The following CSMD1 variants were observed in gnomAD, a reference collection of about 807,000 sequenced individuals.
CSMD1 encodes CUB and Sushi multiple domains 1, also known as CUB and sushi domain-containing protein 1.
A neutral mutation model predicts 417.5 loss-of-function variants in CSMD1; 213 were observed. The ratio of observed to expected loss-of-function variants is 0.51; its 90% CI spans 0.46 to 0.57. CSMD1 has a LOEUF of 0.57. Ranked by LOEUF, CSMD1 falls within the 20% of genes least tolerant of loss-of-function variation. The pLI, the probability that CSMD1 is intolerant of heterozygous loss-of-function variation, is 0.00. For synonymous variants in CSMD1, 2,862 were observed against 1,736.8 expected, an observed-to-expected ratio of 1.65 and a Z score of -16.11; for missense variants, 6,923 against 4,529.7, an observed-to-expected ratio of 1.53 and a Z score of -15.17.
At chr8:4,149,770 T>A (rs894891977) in intron 3 of CSMD1, among the ~76,000 whole-genome samples, 1 of 152,192 alleles carries the variant, frequency 6.6e-6, no homozygotes, top group East Asian at 1.9e-4. Flanking sequence ...TTGCTGGATG[T>A]GTCGTAGTTG....
At chr8:4,891,948 A>G (rs191562535) in intron 1 of CSMD1, among the ~76,000 whole-genome samples, 57 of 152,250 alleles carry the variant, frequency 3.7e-4, no homozygotes, top group Admixed American at 9.1e-4. Flanking sequence ...AAAAAAGAAG[A>G]TGGCCTTTAC....
intron 5 of CSMD1, among the ~76,000 whole-genome samples, chr8:3,812,751 G>A (rs1372628352): frequency 6.6e-6 from 1 of 152,116 alleles, no homozygotes; most frequent in African/African-American, 2.4e-5. Context: ...CCCAAGTCTT[G>A]CCTATTTTAA....
At chr8:4,496,412 C>T (rs771977300) in intron 2 of CSMD1, among the ~76,000 whole-genome samples, 3 of 152,080 alleles carry the variant, frequency 2.0e-5, no homozygotes, top group Admixed American at 6.6e-5. Context: ...GATTCATGTG[C>T]CATCTCAGAA....
chr8:4,738,253 C>G (rs969651908), intron 1 of CSMD1, among the ~76,000 whole-genome samples: 6 of 152,170 alleles, frequency 3.9e-5, no homozygotes, highest in Non-Finnish European at 7.3e-5. Context: ...TGTATTAGTT[C>G]ATTTTCACGC....
intron 12 of CSMD1, among the ~76,000 whole-genome samples, chr8:3,461,343 G>C (rs956908504): frequency 6.6e-6 from 1 of 152,224 alleles, no homozygotes. Context: ...AGCCAGCTTG[G>C]AGAGTATGCT....
At chr8:4,286,248 G>T (rs537149769) in intron 3 of CSMD1, among the ~76,000 whole-genome samples, 1 of 151,976 alleles carries the variant, frequency 6.6e-6, no homozygotes, top group Admixed American at 6.6e-5. Context: ...GCGTCTCTCC[G>T]CCATGCTCTC....
At chr8:4,042,695 A>C (rs748709837) in intron 3 of CSMD1, among the ~76,000 whole-genome samples, 2 of 151,788 alleles carry the variant, frequency 1.3e-5, no homozygotes, top group African/African-American at 4.8e-5. Flanking sequence ...TATATATTTT[A>C]GGTTTCTAAC....
chr8:4,327,534 C>G (rs983388274), intron 3 of CSMD1, among the ~76,000 whole-genome samples: 6 of 152,084 alleles, frequency 3.9e-5, no homozygotes, highest in South Asian at 4.1e-4. Flanking sequence ...TCAGGCTGTT[C>G]CAGCTCCAAT....
At chr8:3,083,202 G>T (rs2129004033) in intron 49 of CSMD1, among the ~76,000 whole-genome samples, 1 of 151,978 alleles carries the variant, frequency 6.6e-6, no homozygotes, top group South Asian at 2.1e-4. Flanking sequence ...AAAAATGCTA[G>T]TTTTTTTAAA....
intron 23 of CSMD1, among the ~76,000 whole-genome samples, chr8:3,310,634 G>A (rs61305119): frequency 0.019 from 2,862 of 152,290 alleles, 93 homozygotes; most frequent in African/African-American, 0.065. Flanking sequence ...TTTGAGTTCA[G>A]CATCTATCCC....
intron 10 of CSMD1, among the ~76,000 whole-genome samples, chr8:3,510,708 G>C (rs536702426): frequency 2.8e-4 from 43 of 151,600 alleles, no homozygotes; most frequent in Admixed American, 5.9e-4. Context: ...ATTCTAACTG[G>C]TGTGAGATGG....
chr8:4,820,829 T>C (rs1391953928), intron 1 of CSMD1, among the ~76,000 whole-genome samples: 1 of 152,216 alleles, frequency 6.6e-6, no homozygotes, highest in Non-Finnish European at 1.5e-5. Flanking sequence ...TAATACTTGT[T>C]GCAAGCTAAA....
intron 6 of CSMD1, among the ~76,000 whole-genome samples, chr8:3,714,882 T>G (rs1401303593): frequency 6.6e-6 from 1 of 152,220 alleles, no homozygotes; most frequent in Admixed American, 6.5e-5. Context: ...GTGAAACATG[T>G]TTTGAACACA....
intron 1 of CSMD1, among the ~76,000 whole-genome samples, chr8:4,846,585 C>T (rs1028402269): frequency 1.3e-5 from 2 of 152,148 alleles, no homozygotes. Flanking sequence ...TTTCTACCCC[C>T]TGTAGGAGGC....
intron 3 of CSMD1, among the ~76,000 whole-genome samples, chr8:4,038,398 C>G (rs766828545): frequency 6.6e-6 from 1 of 152,076 alleles, no homozygotes; most frequent in Admixed American, 6.5e-5. Context: ...GGAATTGTTG[C>G]TAGGTCTATG....
Position 3,621,351 on chromosome 8 carries a change from G to A in CSMD1, c.1010-4554C>T, listed in dbSNP as rs956189497. ...TGCCCACAAGAGACTCACTTTAGGC[G>A]TAAGGACACAAAGAGGTTAAAAACG... On this transcript the variant is annotated intron_variant, in intron 7 of 69. Coordinates refer to ENST00000635120, the MANE Select transcript of CSMD1 (RefSeq NM_033225.6). Among the ~76,000 whole-genome samples the A allele has an allele frequency of 5.9e-5, 9 of 152,142 alleles. No individual in the cohort carries two copies. The South Asian group carries it at 6.2e-4, about 10-fold the overall frequency.
intron 26 of CSMD1, among the ~76,000 whole-genome samples, chr8:3,268,287 C>CTTTTTTTTTTTTTTT (rs1172040830): frequency 1.7e-5 from 2 of 114,652 alleles, no homozygotes; most frequent in African/African-American, 3.5e-5. Context: ...GGTTCATTTC[C>CTTTTTTTTTTTTTTT]TATTTTTTTT....
At chr8:3,425,635 G>T (rs990162495) in intron 12 of CSMD1, among the ~76,000 whole-genome samples, 1 of 150,684 alleles carries the variant, frequency 6.6e-6, no homozygotes, top group Non-Finnish European at 1.5e-5. Flanking sequence ...AAAAGGAAAT[G>T]CCCTGTCCCA....
chr8:4,781,376 T>C (rs1270673554), intron 1 of CSMD1, among the ~76,000 whole-genome samples: 1 of 152,182 alleles, frequency 6.6e-6, no homozygotes, highest in Admixed American at 6.5e-5. Context: ...ATCACTCTCT[T>C]CTCTATAGTC....
Sources: allele counts gnomAD v4.1 joint callset (sites outside exome capture counted in the v4.1 genomes callset), GRCh38; gene constraint gnomAD v4.1.1; transcripts MANE v1.5; gene names NCBI Gene and HGNC (gene_info 2026-07-23, HGNC 2026-07-21).